Variants in SCFD2 observed in about 807,000 individuals in gnomAD.
The protein encoded by SCFD2 is sec1 family domain containing 2.
In SCFD2, 54 loss-of-function variants were observed where a neutral mutation model predicts 58.9. The ratio of observed to expected loss-of-function variants is 0.92; its 90% confidence interval spans 0.74 to 1.15. The LOEUF (loss-of-function observed/expected upper bound fraction) is 1.15, where lower values mean the gene tolerates loss of function less well. SCFD2 is among the 50% of genes most tolerant of loss of function. The pLI is 0.00. For synonymous variants in SCFD2, 321 were observed against 335.9 expected (o/e 0.96, Z 0.49); for missense variants, 805 against 836.6 (o/e 0.96, Z 0.47).
At position 53,336,616 on chromosome 4, in the gene SCFD2, C is replaced by T. The variant is rs1350763125; in HGVS notation, c.1007+15982G>A. On this transcript the variant is annotated intron_variant, in intron 2 of 8. Coordinates refer to ENST00000401642, the MANE Select transcript of SCFD2 (RefSeq NM_152540.4). Reference sequence around the variant, plus strand: ...CATGGCTCACCGTAGCCTCGAACTCCTGGGCTCAAACAATCCTCCCACCTT... The same window carrying T: ...CATGGCTCACCGTAGCCTCGAACTCTTGGGCTCAAACAATCCTCCCACCTT... Among the ~76,000 whole-genome samples, 3 of 152,232 alleles carry T rather than the reference C, an allele frequency of 2.0e-5. No homozygotes were observed. In the East Asian group the frequency reaches 5.8e-4, roughly 29 times the overall value.
intron 4 of SCFD2, among the ~76,000 whole-genome samples, chr4:53,152,419 C>T (rs1258526186): frequency 6.6e-6 from 1 of 152,068 alleles, no homozygotes; most frequent in African/African-American, 2.4e-5. Context: ...TGTGGAGCCA[C>T]TAAACGTCTC....
chr4:52,972,028 G>A (rs1287869808), intron 5 of SCFD2, among the ~76,000 whole-genome samples: 1 of 152,168 alleles, frequency 6.6e-6, no homozygotes. Flanking sequence ...ACTGAACATG[G>A]AAAGGAATAA....
At chr4:53,085,326 A>G (rs565827062) in intron 5 of SCFD2, among the ~76,000 whole-genome samples, 4 of 152,284 alleles carry the variant, frequency 2.6e-5, no homozygotes, top group Admixed American at 1.3e-4. Context: ...TATGTTAACC[A>G]AAGAAGTAAA....
intron 5 of SCFD2, among the ~76,000 whole-genome samples, chr4:53,080,868 C>G (rs1480375336): frequency 6.6e-6 from 1 of 151,978 alleles, no homozygotes; most frequent in Non-Finnish European, 1.5e-5. Flanking sequence ...AGAAAGACAT[C>G]TAAAGCAAAC....
At chr4:53,150,372 A>C (rs562683245) in intron 4 of SCFD2, among the ~76,000 whole-genome samples, 34 of 152,208 alleles carry the variant, frequency 2.2e-4, no homozygotes, top group Non-Finnish European at 4.1e-4. Flanking sequence ...CATCTGCCCA[A>C]GATGAAGCAA....
chr4:53,162,312 G>T (rs531581549), intron 4 of SCFD2, among the ~76,000 whole-genome samples: 1 of 152,120 alleles, frequency 6.6e-6, no homozygotes, highest in Non-Finnish European at 1.5e-5. Context: ...TTAGCTATCT[G>T]AATGGAGAAT....
chr4:53,302,062 C>A (rs1732325703), intron 3 of SCFD2, among the ~76,000 whole-genome samples: 1 of 152,202 alleles, frequency 6.6e-6, no homozygotes, highest in Non-Finnish European at 1.5e-5. Context: ...TGCCCTCTCT[C>A]ACCACTCCTA....
chr4:53,312,073 GGAAGGAAGAAA>G (rs1162410342), intron 3 of SCFD2, among the ~76,000 whole-genome samples: 1 of 152,042 alleles, frequency 6.6e-6, no homozygotes, highest in Non-Finnish European at 1.5e-5. Flanking sequence ...AGGGACAGAA[GGAAGGAAGAAA>G]GGAGGAAGAA....
chr4:53,157,148 A>AT (rs1378553004), intron 4 of SCFD2, among the ~76,000 whole-genome samples: 8 of 152,198 alleles, frequency 5.3e-5, no homozygotes, highest in African/African-American at 9.6e-5. Context: ...ATTAAATGTG[A>AT]TTTTTTGAAT....
At chr4:53,155,524 C>T (rs1027157834) in intron 4 of SCFD2, among the ~76,000 whole-genome samples, 3 of 152,174 alleles carry the variant, frequency 2.0e-5, no homozygotes, top group African/African-American at 4.8e-5. Flanking sequence ...TGTAGCAGCA[C>T]AGAACAGACT....
chr4:53,127,082 A>T (rs1238665819), intron 5 of SCFD2, among the ~76,000 whole-genome samples: 2 of 152,236 alleles, frequency 1.3e-5, no homozygotes, highest in African/African-American at 2.4e-5. Flanking sequence ...TTCAGAATTT[A>T]AAAATCTGGT....
chr4:53,216,018 T>C (rs1228113509), intron 4 of SCFD2, among the ~76,000 whole-genome samples: 1 of 152,192 alleles, frequency 6.6e-6, no homozygotes, highest in African/African-American at 2.4e-5. Context: ...GTGGATAAGC[T>C]TTCTTGATGT....
intron 2 of SCFD2, 138 bp from the exon 3 acceptor site, chr4:53,313,901 TTAAA>T (rs1490654169): frequency 5.7e-5 from 38 of 663,520 alleles, no homozygotes; most frequent in Non-Finnish European, 8.1e-5. Context: ...AGTATTAGGA[TTAAA>T]TAAAGAATGT....
intron 7 of SCFD2, among the ~76,000 whole-genome samples, chr4:52,904,065 C>T (rs536251258): frequency 1.3e-5 from 2 of 152,342 alleles, no homozygotes; most frequent in East Asian, 3.9e-4. Context: ...ACGGGAATAA[C>T]TGCTGGCTCT....
chr4:52,910,940 AG>A (rs2109474951), intron 6 of SCFD2, among the ~76,000 whole-genome samples: 1 of 152,206 alleles, frequency 6.6e-6, no homozygotes, highest in South Asian at 2.1e-4. Context: ...AGGCCTCCCA[AG>A]CCCTGTGGAA....
intron 4 of SCFD2, among the ~76,000 whole-genome samples, chr4:53,163,870 G>A (rs1309016137): frequency 6.6e-6 from 1 of 152,108 alleles, no homozygotes; most frequent in Non-Finnish European, 1.5e-5. Flanking sequence ...TTGAAATAAC[G>A]TTTTACAGAA....
intron 5 of SCFD2, among the ~76,000 whole-genome samples, chr4:53,111,174 C>T (rs1266154985): frequency 2.0e-5 from 3 of 151,286 alleles, no homozygotes; most frequent in African/African-American, 4.9e-5. Flanking sequence ...CATCATACAC[C>T]GGGGCCTACT....
intron 3 of SCFD2, among the ~76,000 whole-genome samples, chr4:53,307,867 G>A (rs560347930): frequency 6.6e-6 from 1 of 152,164 alleles, no homozygotes; most frequent in East Asian, 1.9e-4. Context: ...TATACTGTTG[G>A]CAAGATACTC....
intron 5 of SCFD2, among the ~76,000 whole-genome samples, chr4:53,024,130 G>C (rs1483280530): frequency 6.6e-6 from 1 of 152,118 alleles, no homozygotes; most frequent in Non-Finnish European, 1.5e-5. Context: ...TTAAATTCTT[G>C]TGGCTGCGCT....
Sources: allele counts gnomAD v4.1 joint callset (sites outside exome capture counted in the v4.1 genomes callset), GRCh38; gene constraint gnomAD v4.1.1; transcripts MANE v1.5; gene names NCBI Gene and HGNC (gene_info 2026-07-23, HGNC 2026-07-21).